Variants in PTPN7 observed in about 807,000 individuals in gnomAD.
PTPN7 encodes the protein tyrosine-protein phosphatase non-receptor type 7.
Under a neutral mutation model 50.3 loss-of-function variants are expected in PTPN7, and 33 were observed. That is an observed-to-expected ratio of 0.66 (90% CI 0.50 to 0.88). The LOEUF (loss-of-function observed/expected upper bound fraction) is 0.88, where lower values mean the gene tolerates loss of function less well. Ranked by LOEUF, PTPN7 falls within the 40% of genes least tolerant of loss-of-function variation. The pLI is 0.00. For synonymous variants in PTPN7, 185 were observed against 186.6 expected (o/e 0.99, Z 0.07); for missense variants, 412 against 475.4 (o/e 0.87, Z 1.24).
intron 5 of PTPN7, 107 bp downstream of exon 5, chr1:202,155,426 A>G: frequency 9.3e-7 from 1 of 1,080,976 alleles, no homozygotes; most frequent in Admixed American, 2.0e-5. Context: ...TGGAGCAGGG[A>G]GGGTAGGAAA....
intron 6 of PTPN7, 71 bp from the exon 7 acceptor site, chr1:202,153,906 G>T: frequency 7.8e-7 from 1 of 1,284,932 alleles, no homozygotes; most frequent in Non-Finnish European, 1.1e-6. Flanking sequence ...GAGAGGGGCT[G>T]GTATCTCCTC....
At position 202,152,651 on chromosome 1, in the gene PTPN7, G is replaced by A. The variant is rs760216931; in HGVS notation, c.766C>T (p.Pro256Ser). 1.2e-6 allele frequency: 2 copies of A among 1,614,042 alleles called. No individual in the cohort carries two copies. Among genetic ancestry groups the A allele is most frequent in the Non-Finnish European group, 8.5e-7 (1 of 1,180,000 alleles). ...GCTGATTCTGGTGTCTGATGGTCTG[G>A]CCAGGCCGAAAAGAGGATGTGCTTT... ...SVKHILFSAW[P>S]DHQTPESAGP... The change falls in exon 8 of 10, where the codon CCA (proline) becomes TCA (serine). Residue 256 changes from proline (P) to serine (S), a missense_variant. Transcript: ENST00000691036.
At chr1:202,161,392 G>A (rs762201805), upstream of PTPN7, 279 of 1,277,904 alleles carry the variant, frequency 2.2e-4, no homozygotes, top group Admixed American at 1.6e-3. Context: ...CTTACAGACA[G>A]TGGACAGTCT....
chr1:202,148,666 C>T lies in PTPN7; in HGVS notation c.1023G>A (p.Gln341=). The T allele has an allele frequency of 1.2e-6, 2 of 1,613,954 alleles. No homozygotes were observed. The highest frequency in any genetic ancestry group is 1.7e-6 in the Non-Finnish European group (2 of 1,179,934). Residue 341 remains glutamine (Q), a synonymous_variant, in exon 10 of 10, where the codon CAG becomes CAA. Coordinates refer to ENST00000691036, the MANE Select transcript of PTPN7 (RefSeq NM_002832.4). ...ACAGGGCCAAAGTGTGGTGCAGGAA[C>T]TGGTACTGCTCTGCCGTCTGGATCA... ...GGMIQTAEQY[Q]FLHHTLALYA... is the part of the protein sequence containing the mutation.
rs546291018 is a variant in PTPN7, at chr1:202,159,308, G to T, written c.95C>A (p.Ala32Asp). The stretch of plus-strand genomic sequence containing the variant: ...CTCCTGCAGTCGCACATGCTTCTTG[G>T]CTGGCGTTTTTTCAGGCGGAGGCTG... The part of the protein sequence containing the change: ...MTQPPPEKTP[A>D]KKHVRLQERR... Residue 32 changes from alanine to aspartate, a missense_variant, in exon 2 of 10, where the codon GCC (alanine) becomes GAC (aspartate). Ala to Asp is a moderately radical substitution (Grantham distance 126). Coordinates refer to ENST00000691036, the MANE Select transcript of PTPN7 (RefSeq NM_002832.4). This position sits in a 1 kb window ranked among gnomAD's most constrained non-coding sequence, Gnocchi z 4.6. 3.1e-6 allele frequency: 5 copies of T among 1,614,218 alleles called. No homozygotes were observed. The African/African-American group carries it at 4.0e-5, about 13-fold the overall frequency.
rs1279612414 is a variant in PTPN7 at position 202,160,321 on chromosome 1, A to G, written c.-53+224T>C. Among the ~76,000 whole-genome samples, 14 of 152,042 alleles carry G rather than the reference A, an allele frequency of 9.2e-5. No individual in the cohort carries two copies. Among genetic ancestry groups the G allele is most frequent in the Admixed American group, 9.2e-4 (14 of 15,274 alleles). ...GAGTGGTAGAGCGAGGGTCTCTGGT[A>G]GCAGAAAAGGTCCCTTCAGCCTCTG... On this transcript the variant is annotated intron_variant, in intron 1 of 9. Transcript: ENST00000691036. This position sits in a 1 kb window ranked among gnomAD's most constrained non-coding sequence, Gnocchi z 4.8.
Position 202,159,764 on chromosome 1 carries a change from C to G in PTPN7, c.-52-310G>C. On this transcript the variant is annotated intron_variant, in intron 1 of 9. Transcript: ENST00000691036. This position sits in a 1 kb window ranked among gnomAD's most constrained non-coding sequence, Gnocchi z 4.6. ...AGAGTACACAGGGCTCTGAGCAGGT[C>G]CAAGTGGGAGAAGGCAAGGGAGGAA... 1 of 1,259,854 alleles carries G rather than the reference C, an allele frequency of 7.9e-7. No homozygotes were observed. Among genetic ancestry groups the G allele is most frequent in the Non-Finnish European group, 1.0e-6 (1 of 1,001,726 alleles). 78.0% of individuals were successfully genotyped at this position (1,259,854 alleles called of 1,614,324 possible).
At chr1:202,161,263 G>A, upstream of PTPN7, 3 of 1,143,566 alleles carry the variant, frequency 2.6e-6, no homozygotes, top group Non-Finnish European at 3.3e-6. Context: ...CTGAGTGTAG[G>A]CCAGCCCAGC....
chr1:202,155,496 C>T, intron 5 of PTPN7, 37 bp downstream of exon 5: 4 of 1,515,084 alleles, frequency 2.6e-6, no homozygotes, highest in South Asian at 1.1e-5. Flanking sequence ...TGAGAATTCC[C>T]CCATTCCCCG....
In PTPN7 at chr1:202,160,512, A is replaced by G; in HGVS notation, c.-53+33T>C. The G allele has an allele frequency of 6.5e-7, 1 of 1,529,634 alleles. No individual in the cohort carries two copies. Among genetic ancestry groups the G allele is most frequent in the Non-Finnish European group, 8.8e-7 (1 of 1,131,638 alleles). The allele number at this position is 1,529,634 out of a possible 1,614,324, so 94.8% of individuals were successfully genotyped here. A position where few individuals can be genotyped will look rare whatever the true frequency, so the allele number is the denominator to read the frequency against. On this transcript the variant is annotated intron_variant, in intron 1 of 9. Transcript: ENST00000691036. The surrounding 1 kb of genome is among the most constrained non-coding windows in gnomAD (Gnocchi z 4.8). ...CCCGGAGTTCGCACCCCCCGGGGCC[A>G]CAGGACTCCCAGTCCCCCCTTCAGA...
rs2147855566 is a variant in PTPN7, at chr1:202,159,776, A to G, written c.-52-322T>C. On this transcript the variant is annotated intron_variant, in intron 1 of 9. Coordinates refer to ENST00000691036, the MANE Select transcript of PTPN7 (RefSeq NM_002832.4). This position sits in a 1 kb window ranked among gnomAD's most constrained non-coding sequence, Gnocchi z 4.6. ...GCTCTGAGCAGGTCCAAGTGGGAGA[A>G]GGCAAGGGAGGAAACAGAAAATATG... 2 of 1,239,414 alleles carry G rather than the reference A, an allele frequency of 1.6e-6. No homozygotes were observed. The highest frequency in any genetic ancestry group is 3.4e-5 in the South Asian group (1 of 29,686). The allele number at this position is 1,239,414 out of a possible 1,614,324, so 76.8% of individuals were successfully genotyped here. A position where few individuals can be genotyped will look rare whatever the true frequency, so the allele number is the denominator to read the frequency against.
Position 202,151,289 on chromosome 1 carries a change from A to C in PTPN7, c.876-865T>G, listed in dbSNP as rs149463402. Among the ~76,000 whole-genome samples, 748 of 152,298 alleles carry C rather than the reference A, an allele frequency of 4.9e-3. 4 individuals are homozygous for C. Among genetic ancestry groups the C allele is most frequent in the Non-Finnish European group, 8.4e-3 (574 of 68,030 alleles). On this transcript the variant is annotated intron_variant, in intron 8 of 9. Transcript: ENST00000691036. ...GGGCCTAACCTGTAACCCTGCTCCC[A>C]GCAGTGTATCCATTTTCACATTTCT...
chr1:202,148,667 T>A lies in PTPN7; in HGVS notation c.1022A>T (p.Gln341Leu). The change falls in exon 10 of 10, where the codon CAG becomes CTG. Residue 341 changes from glutamine (Q) to leucine (L), a missense_variant. Coordinates refer to ENST00000691036, the MANE Select transcript of PTPN7 (RefSeq NM_002832.4). ...CAGGGCCAAAGTGTGGTGCAGGAACTGGTACTGCTCTGCCGTCTGGATCAT... is the reference window on the plus strand; with the variant it reads ...CAGGGCCAAAGTGTGGTGCAGGAACAGGTACTGCTCTGCCGTCTGGATCAT... ...GGMIQTAEQY[Q>L]FLHHTLALYA... The A allele has an allele frequency of 6.2e-7, 1 of 1,613,894 alleles. No homozygotes were observed. Among genetic ancestry groups the A allele is most frequent in the Non-Finnish European group, 8.5e-7 (1 of 1,179,918 alleles).
At chr1:202,151,317 T>C (rs553614539) in intron 8 of PTPN7, among the ~76,000 whole-genome samples, 1 of 152,320 alleles carries the variant, frequency 6.6e-6, no homozygotes, top group South Asian at 2.1e-4. Context: ...ACATTTCTTC[T>C]CTGGGCCTTA....
At chr1:202,156,966 C>T (rs1656733066) in intron 4 of PTPN7, among the ~76,000 whole-genome samples, 1 of 152,184 alleles carries the variant, frequency 6.6e-6, no homozygotes, top group Admixed American at 6.5e-5. Context: ...TCTTGCTGGC[C>T]GTTGCCCTGT....
At position 202,160,468 on chromosome 1, in the gene PTPN7, A is replaced by G. The variant is rs1323227817; in HGVS notation, c.-53+77T>C. ...CACTCGCCCTCCCGCACTCCCTCCT[A>G]GAGATGCCCTCTTATATCCCCGGAG... is the stretch of plus-strand genomic sequence containing the variant. On this transcript the variant is annotated intron_variant, in intron 1 of 9. Transcript: ENST00000691036. The surrounding 1 kb of genome is among the most constrained non-coding windows in gnomAD (Gnocchi z 4.8). The G allele has an allele frequency of 1.1e-5, 14 of 1,329,560 alleles. No individual in the cohort carries two copies. The highest frequency in any genetic ancestry group is 1.5e-5 in the African/African-American group (1 of 68,568). 82.4% of individuals were successfully genotyped at this position (1,329,560 alleles called of 1,614,324 possible).
chr1:202,157,238 G>C (rs540130081), intron 4 of PTPN7, among the ~76,000 whole-genome samples: 4 of 152,308 alleles, frequency 2.6e-5, no homozygotes, highest in African/African-American at 9.6e-5. Context: ...GGCTGGACGC[G>C]GTGGCTTACG....
Position 202,158,183 on chromosome 1 carries a change from G to A in PTPN7, c.241C>T (p.Pro81Ser). ...TLHFLRTAGH[P>S]LTRWALQRQP... ...CGCTGAAGGGCCCAGCGGGTAAGGG[G>A]GTGTCCAGCAGTGCGCAGAAAGTGT... is the stretch of plus-strand genomic sequence containing the variant. The change falls in exon 3 of 10, where the codon CCC (proline) becomes TCC (serine). Residue 81 changes from proline (P) to serine (S), a missense_variant. By Grantham distance (74) the Pro-to-Ser change is moderately conservative. Transcript: ENST00000691036. 2 of 1,613,558 alleles carry A rather than the reference G, an allele frequency of 1.2e-6. No individual in the cohort carries two copies. Among genetic ancestry groups the A allele is most frequent in the Non-Finnish European group, 1.7e-6 (2 of 1,179,750 alleles).
intron 2 of PTPN7, chr1:202,158,536 T>TC (rs2147851890): frequency 2.3e-6 from 1 of 444,232 alleles, no homozygotes; most frequent in Non-Finnish European, 4.0e-6. Flanking sequence ...AATTTAAGTT[T>TC]TTTTTTTTTT....
Sources: allele counts gnomAD v4.1 joint callset (sites outside exome capture counted in the v4.1 genomes callset), GRCh38; gene constraint gnomAD v4.1.1; non-coding constraint Gnocchi (gnomAD v3.1); transcripts MANE v1.5; gene names NCBI Gene and HGNC (gene_info 2026-07-23, HGNC 2026-07-21).